PFKFB3: variants seen among roughly 807,000 people sequenced by gnomAD.
The protein encoded by PFKFB3 is 6-phosphofructo-2-kinase/fructose-2,6-biphosphatase 3.
Under a neutral mutation model 68.0 loss-of-function variants are expected in PFKFB3, and 33 were observed. The ratio of observed to expected loss-of-function variants is 0.49; its 90% CI spans 0.37 to 0.65. The LOEUF (loss-of-function observed/expected upper bound fraction) is 0.65. Among genes scored for constraint, PFKFB3 ranks in the 30% least tolerant of loss-of-function variants. The pLI is 0.00. For synonymous variants in PFKFB3, 315 were observed against 288.2 expected, an observed-to-expected ratio of 1.09 and a Z score of -0.94; for missense variants, 586 against 712.2, an observed-to-expected ratio of 0.82 and a Z score of 2.02.
downstream of PFKFB3, among the ~76,000 whole-genome samples, chr10:6,254,808 C>CTTTTTTTTTTT (rs144888417): frequency 8.1e-5 from 5 of 61,622 alleles, 1 homozygote; most frequent in African/African-American, 2.1e-4. Flanking sequence ...TTTTTCTGTT[C>CTTTTTTTTTTT]TTTTTTTTTT....
At chr10:6,296,506 GAGC>G in the PFKFB3 span, among the ~76,000 whole-genome samples, 2 of 152,224 alleles carry the variant, frequency 1.3e-5, no homozygotes, top group African/African-American at 4.8e-5. Flanking sequence ...TCCATAGGCA[GAGC>G]AGCGGTGTGG....
chr10:6,215,386 C>T lies in PFKFB3; in HGVS notation c.299+69C>T, dbSNP rs1213994576. ...GCTGGGCCGCGGGCATAAGGCTGGG[C>T]TGCAGGAGTAAGGCTGGGCCGCGGG... On this transcript the variant is annotated intron_variant, in intron 3 of 14. Coordinates refer to ENST00000379775, the MANE Select transcript of PFKFB3 (RefSeq NM_004566.4). The surrounding 1 kb of genome is among the most constrained non-coding windows in gnomAD (Gnocchi z 4.3). The T allele has an allele frequency of 5.8e-6, 7 of 1,214,012 alleles. No homozygotes were observed. In the Admixed American group the frequency reaches 9.0e-5, roughly 16 times the overall value. 75.2% of individuals were successfully genotyped at this position (1,214,012 alleles called of 1,614,324 possible).
the PFKFB3 span, among the ~76,000 whole-genome samples, chr10:6,316,170 C>T: frequency 1.3e-5 from 2 of 152,068 alleles, no homozygotes; most frequent in African/African-American, 4.8e-5. Context: ...ACGTAGACAC[C>T]CACCTTGGAT....
At position 6,220,661 on chromosome 10, in the gene PFKFB3, C is replaced by A; in HGVS notation, c.627C>A (p.Asp209Glu). The part of the protein sequence containing the change: ...QPLDPDKCDR[D>E]LSLIKVIDVG... ...TCTCGGTGGGGTCTCTCTGCAGGGA[C>A]TTGTCGCTGATCAAGGTGATTGACG... Residue 209 changes from aspartate (D) to glutamate (E), a missense_variant, in exon 8 of 15, where the codon GAC becomes GAA. Physicochemically the swap from Asp to Glu is conservative, Grantham distance 45. Coordinates refer to ENST00000379775, the MANE Select transcript of PFKFB3 (RefSeq NM_004566.4). This position sits in a 1 kb window ranked among gnomAD's most constrained non-coding sequence, Gnocchi z 4.1. The A allele has an allele frequency of 6.2e-7, 1 of 1,611,704 alleles. No individual in the cohort carries two copies. The highest frequency in any genetic ancestry group is 8.5e-7 in the Non-Finnish European group (1 of 1,179,148).
intron 1 of PFKFB3, among the ~76,000 whole-genome samples, chr10:6,155,165 T>G (rs1841730545): frequency 6.6e-6 from 1 of 151,986 alleles, no homozygotes; most frequent in African/African-American, 2.4e-5. Flanking sequence ...CTGAGCATGC[T>G]CTCTTCCAAG....
the PFKFB3 span, among the ~76,000 whole-genome samples, chr10:6,298,788 G>A: frequency 1.3e-5 from 2 of 152,154 alleles, no homozygotes; most frequent in East Asian, 1.9e-4. Flanking sequence ...GATCTCTAAC[G>A]CACCCCAACG....
the PFKFB3 span, among the ~76,000 whole-genome samples, chr10:6,271,065 G>A: frequency 6.6e-6 from 1 of 152,246 alleles, no homozygotes; most frequent in South Asian, 2.1e-4. Context: ...GAAAGAAAGT[G>A]AAAGATGCTC....
chr10:6,239,712 T>C (rs1286532516), downstream of PFKFB3, among the ~76,000 whole-genome samples: 1 of 152,190 alleles, frequency 6.6e-6, no homozygotes, highest in African/African-American at 2.4e-5. Context: ...CTTGCTCTGT[T>C]GCCCAGGCTG....
the PFKFB3 span, among the ~76,000 whole-genome samples, chr10:6,313,755 A>G: frequency 4.0e-4 from 61 of 152,280 alleles, no homozygotes; most frequent in African/African-American, 1.4e-3. The surrounding 1 kb of genome is among the most constrained non-coding windows in gnomAD (Gnocchi z 4.2). Flanking sequence ...CTGGCACATA[A>G]TGGGTGCTAA....
intron 1 of PFKFB3, among the ~76,000 whole-genome samples, chr10:6,145,775 C>T (rs1020604314): frequency 1.3e-5 from 2 of 152,214 alleles, no homozygotes; most frequent in Admixed American, 6.5e-5. Context: ...GCGGCCCGGC[C>T]CCTCCTGCAG....
At chr10:6,260,475 C>T in the PFKFB3 span, among the ~76,000 whole-genome samples, 12 of 151,962 alleles carry the variant, frequency 7.9e-5, 1 homozygote, top group South Asian at 2.3e-3. Flanking sequence ...CTCCTTCATG[C>T]CCCCTTTTAA....
At chr10:6,210,049 G>GTGCAC (rs1204853552) in intron 1 of PFKFB3, among the ~76,000 whole-genome samples, 2 of 123,544 alleles carry the variant, frequency 1.6e-5, no homozygotes, top group Non-Finnish European at 4.0e-5. Context: ...ACCGTGCCCG[G>GTGCAC]CCTAATACTT....
intron 1 of PFKFB3, among the ~76,000 whole-genome samples, chr10:6,185,441 C>T (rs1226402341): frequency 6.6e-6 from 1 of 152,168 alleles, no homozygotes; most frequent in African/African-American, 2.4e-5. Flanking sequence ...ATGGAGAGAA[C>T]ACACCATAGA....
At chr10:6,320,396 T>C in the PFKFB3 span, among the ~76,000 whole-genome samples, 47 of 152,096 alleles carry the variant, frequency 3.1e-4, no homozygotes, top group African/African-American at 1.1e-3. Flanking sequence ...ATCCAGAGGT[T>C]GGGCTGACCT....
In PFKFB3 at chr10:6,210,324, G is replaced by A. The variant is rs556764616; in HGVS notation, c.77-3299G>A. Reference sequence around the variant, plus strand: ...AGGGACAGGTGCAAACACCTCAGGCGCCCCTCTCTTTGTTTTTTTTTGTTT... The same window carrying A: ...AGGGACAGGTGCAAACACCTCAGGCACCCCTCTCTTTGTTTTTTTTTGTTT... On this transcript the variant is annotated intron_variant, in intron 1 of 14. Coordinates refer to ENST00000379775, the MANE Select transcript of PFKFB3 (RefSeq NM_004566.4). Among the ~76,000 whole-genome samples, 358 of 86,272 alleles carry A rather than the reference G, an allele frequency of 4.1e-3. 38 individuals carry two copies. Among genetic ancestry groups the A allele is most frequent in the African/African-American group, 9.6e-3 (340 of 35,598 alleles). 56.6% of individuals were successfully genotyped at this position (86,272 alleles called of 152,430 possible). A position where few individuals can be genotyped will look rare whatever the true frequency, so the allele number is the denominator to read the frequency against.
the PFKFB3 span, among the ~76,000 whole-genome samples, chr10:6,277,378 G>A: frequency 9.6e-4 from 142 of 148,494 alleles, 1 homozygote; most frequent in East Asian, 0.027. Flanking sequence ...ACACCAACAC[G>A]CCCAGCTAAT....
rs116105642 is a variant in PFKFB3, at chr10:6,229,881, A to G, written c.1516-3014A>G. On this transcript the variant is annotated intron_variant, in intron 14 of 14. Coordinates refer to ENST00000379775, the MANE Select transcript of PFKFB3 (RefSeq NM_004566.4). The surrounding 1 kb of genome is among the most constrained non-coding windows in gnomAD (Gnocchi z 4.3). Reference sequence around the variant, plus strand: ...GCATTAGATTCTCTGAAGGGAACGCACAGCCTAGATCCCTCGTGTGTGCTC... The same window carrying G: ...GCATTAGATTCTCTGAAGGGAACGCGCAGCCTAGATCCCTCGTGTGTGCTC... Among the ~76,000 whole-genome samples, 911 of 152,208 alleles carry G rather than the reference A, an allele frequency of 6.0e-3. 8 individuals carry two copies. The highest frequency in any genetic ancestry group is 0.021 in the African/African-American group (868 of 41,540).
Position 6,161,013 on chromosome 10 carries a change from GCAAC to G in PFKFB3, c.16+16002_16+16005del, listed in dbSNP as rs748675635. ...TGGAATGGTGTGATCTTGGCTCACT[GCAAC>G]CTCCGCTTCTCGGGTTCAAGCAATT... is the stretch of plus-strand genomic sequence containing the variant. On this transcript the variant is annotated intron_variant, in intron 1 of 14. Coordinates refer to the PFKFB3 transcript ENST00000379789. Among the ~76,000 whole-genome samples the G allele has an allele frequency of 3.6e-3, 553 of 152,052 alleles. 2 individuals carry two copies. The highest frequency in any genetic ancestry group is 6.8e-3 in the Middle Eastern group (2 of 294).
chr10:6,163,512 C>G (rs1454753559), intron 1 of PFKFB3, among the ~76,000 whole-genome samples: 4 of 152,082 alleles, frequency 2.6e-5, no homozygotes, highest in Non-Finnish European at 5.9e-5. Context: ...AGGTGGGGAC[C>G]CAGCTGGGAG....
Sources: gnomAD v4.1 joint callset for allele counts (sites outside exome capture counted in the v4.1 genomes callset) on GRCh38, gnomAD v4.1.1 for gene constraint, Gnocchi (gnomAD v3.1) non-coding constraint, MANE v1.5 for transcripts, NCBI Gene and HGNC (gene_info 2026-07-23, HGNC 2026-07-21) for gene names.